Variants in TP63 observed in about 807,000 individuals in gnomAD.
The protein encoded by TP63 is tumor protein 63.
Under a neutral mutation model 82.8 loss-of-function variants are expected in TP63, and 17 were observed. That is an observed-to-expected ratio of 0.21 (90% CI 0.14 to 0.31). The LOEUF (loss-of-function observed/expected upper bound fraction) is 0.31. TP63 is among the 10% of genes least tolerant of loss of function. The pLI is 1.00. For synonymous variants in TP63, 330 were observed against 321.7 expected, an observed-to-expected ratio of 1.03 and a Z score of -0.28; for missense variants, 648 against 895.3, an observed-to-expected ratio of 0.72 and a Z score of 3.52.
At chr3:189,889,594 G>A in intron 12 of TP63, 110 bp downstream of exon 12, 2 of 1,458,680 alleles carry the variant, frequency 1.4e-6, no homozygotes, top group Non-Finnish European at 1.9e-6. Flanking sequence ...CAGCAGTCCT[G>A]TGGTTGGAGT....
chr3:189,611,515 G>A, the TP63 span, among the ~76,000 whole-genome samples: 1 of 152,130 alleles, frequency 6.6e-6, no homozygotes, highest in South Asian at 2.1e-4. Flanking sequence ...GTCTGTTTAT[G>A]TACCATGCTG....
rs1577215897 is a variant in TP63 at position 189,895,452 on chromosome 3, C to T, written c.*950C>T. ...ACAGAGGTATTAAAACTAAATTTCACTACTAGATTGACTAACTCAAATACA... is the reference window on the plus strand; with the variant it reads ...ACAGAGGTATTAAAACTAAATTTCATTACTAGATTGACTAACTCAAATACA... On this transcript the variant is annotated 3_prime_UTR_variant, in exon 14 of 14. Transcript: ENST00000264731. The T allele has an allele frequency of 4.6e-6, 1 of 218,540 alleles. No homozygotes were observed. The highest frequency in any genetic ancestry group is 1.9e-4 in the South Asian group (1 of 5,404). The allele number at this position is 218,540 out of a possible 1,614,324, so 13.5% of individuals were successfully genotyped here. A position where few individuals can be genotyped will look rare whatever the true frequency, so the allele number is the denominator to read the frequency against.
chr3:189,756,972 G>C (rs1007789605), intron 3 of TP63, among the ~76,000 whole-genome samples: 2 of 152,192 alleles, frequency 1.3e-5, no homozygotes, highest in African/African-American at 2.4e-5. Context: ...ATCCTATCAT[G>C]CTGGCTAAAA....
At chr3:189,684,063 G>A (rs558409274) in intron 1 of TP63, among the ~76,000 whole-genome samples, 23 of 151,962 alleles carry the variant, frequency 1.5e-4, no homozygotes, top group Non-Finnish European at 2.5e-4. Flanking sequence ...GGTGTGAGTG[G>A]GTAAGAGAAA....
At chr3:189,748,602 T>C (rs2108517874) in intron 3 of TP63, among the ~76,000 whole-genome samples, 1 of 141,698 alleles carries the variant, frequency 7.1e-6, no homozygotes, top group Admixed American at 7.1e-5. Context: ...ATTGTTAAAA[T>C]GACCATGCTG....
intron 1 of TP63, among the ~76,000 whole-genome samples, chr3:189,673,495 G>T (rs1299054182): frequency 6.6e-6 from 1 of 151,702 alleles, no homozygotes; most frequent in African/African-American, 2.4e-5. Flanking sequence ...AAATCTATCA[G>T]ATAAGATAAC....
At chr3:189,780,848 A>G (rs546883295) in intron 3 of TP63, among the ~76,000 whole-genome samples, 2 of 152,298 alleles carry the variant, frequency 1.3e-5, no homozygotes, top group East Asian at 1.9e-4. Flanking sequence ...GATGTCAGTT[A>G]TCCTGGGTCC....
At chr3:189,715,512 G>A (rs1458418939) in intron 1 of TP63, among the ~76,000 whole-genome samples, 2 of 152,066 alleles carry the variant, frequency 1.3e-5, no homozygotes, top group Non-Finnish European at 2.9e-5. Flanking sequence ...GACCTATTAG[G>A]TATATACATT....
chr3:189,603,905 C>T, the TP63 span, among the ~76,000 whole-genome samples: 6 of 151,758 alleles, frequency 4.0e-5, no homozygotes, highest in East Asian at 1.9e-4. Context: ...AAAGGTAAAT[C>T]GAAAAAATTT....
chr3:189,687,858 T>C (rs766649081), intron 1 of TP63, among the ~76,000 whole-genome samples: 2 of 152,182 alleles, frequency 1.3e-5, no homozygotes, highest in Non-Finnish European at 2.9e-5. Flanking sequence ...ATAATACCTG[T>C]TAAATAACAG....
chr3:189,821,676 G>A (rs910739774), intron 4 of TP63, among the ~76,000 whole-genome samples: 2 of 152,180 alleles, frequency 1.3e-5, no homozygotes, highest in Admixed American at 6.5e-5. Context: ...TGGGCATGTG[G>A]TTGTAGGGCA....
At chr3:189,816,763 C>T (rs527797261) in intron 4 of TP63, among the ~76,000 whole-genome samples, 6 of 152,150 alleles carry the variant, frequency 3.9e-5, no homozygotes, top group African/African-American at 1.4e-4. Context: ...ATGATGGATC[C>T]TGTAATGAGG....
intron 4 of TP63, among the ~76,000 whole-genome samples, chr3:189,830,240 C>T (rs1712111857): frequency 6.6e-6 from 1 of 152,140 alleles, no homozygotes; most frequent in African/African-American, 2.4e-5. Flanking sequence ...TCAGGAGCTA[C>T]CGTTGTAACA....
chr3:189,749,571 C>T (rs577762421), intron 3 of TP63, among the ~76,000 whole-genome samples: 8 of 152,196 alleles, frequency 5.3e-5, no homozygotes, highest in African/African-American at 1.7e-4. Flanking sequence ...AAAAGGAACT[C>T]GTATTCACTG....
intron 3 of TP63, among the ~76,000 whole-genome samples, chr3:189,806,040 CTT>C (rs34836784): frequency 3.8e-5 from 2 of 52,078 alleles, no homozygotes; most frequent in South Asian, 8.6e-4. Context: ...GAAGCAAACA[CTT>C]TTTTTTTTTT....
chr3:189,619,809 G>A, the TP63 span, among the ~76,000 whole-genome samples: 17 of 152,234 alleles, frequency 1.1e-4, no homozygotes, highest in South Asian at 3.3e-3. Flanking sequence ...AAATTGTATA[G>A]CAATCATGCC....
the TP63 span, among the ~76,000 whole-genome samples, chr3:189,612,081 C>T: frequency 1.3e-5 from 2 of 152,058 alleles, no homozygotes; most frequent in African/African-American, 2.4e-5. Flanking sequence ...AATCAAAGAT[C>T]GTTTGCCTTG....
intron 3 of TP63, among the ~76,000 whole-genome samples, chr3:189,764,208 A>T (rs1473959480): frequency 1.3e-5 from 2 of 152,174 alleles, no homozygotes; most frequent in African/African-American, 2.4e-5. Flanking sequence ...CCCAATATCC[A>T]TTCAGAATAG....
Position 189,868,659 on chromosome 3 carries a change from A to G in TP63, c.1072A>G (p.Ser358Gly), listed in dbSNP as rs1290112962. The G allele has an allele frequency of 6.2e-7, 1 of 1,614,152 alleles. No individual in the cohort carries two copies. Among genetic ancestry groups the G allele is most frequent in the East Asian group, 2.2e-5 (1 of 44,870 alleles). Reference protein sequence around the residue: ...PGRDRKADEDSIRKQQVSDST... With the variant: ...PGRDRKADEDGIRKQQVSDST... ...AAGAGACAGGAAGGCGGATGAAGAT[A>G]GCATCAGAAAGCAGCAAGTTTCGGA... The change falls in exon 8 of 14, where the codon AGC becomes GGC. Residue 358 changes from serine to glycine, a missense_variant. By Grantham distance (56) the Ser-to-Gly change is moderately conservative. Transcript: ENST00000264731.
Sources: gnomAD v4.1 joint callset for allele counts (sites outside exome capture counted in the v4.1 genomes callset) on GRCh38, gnomAD v4.1.1 for gene constraint, MANE v1.5 for transcripts, NCBI Gene and HGNC (gene_info 2026-07-23, HGNC 2026-07-21) for gene names.